Variants in DCC observed in about 807,000 individuals in gnomAD.
DCC encodes netrin receptor DCC.
In DCC, 58 loss-of-function variants were observed where a neutral mutation model predicts 172.5. The ratio of observed to expected loss-of-function variants is 0.34; its 90% CI spans 0.27 to 0.42. The LOEUF (loss-of-function observed/expected upper bound fraction) is 0.42, where lower values mean the gene tolerates loss of function less well. Ranked by LOEUF, DCC falls within the 10% of genes least tolerant of loss-of-function variation. The pLI is 1.00. For missense variants in DCC, 1,740 were observed against 1,791.0 expected (o/e 0.97, Z 0.51); for synonymous variants, 709 against 644.5 (o/e 1.10, Z -1.52).
At chr18:53,117,526 C>T (rs1276543317) in intron 7 of DCC, among the ~76,000 whole-genome samples, 2 of 151,790 alleles carry the variant, frequency 1.3e-5, no homozygotes, top group South Asian at 4.1e-4. Context: ...ATTTGTATTG[C>T]TGTTTCAAAA....
At chr18:52,374,775 A>G (rs552364788) in intron 1 of DCC, among the ~76,000 whole-genome samples, 25 of 152,350 alleles carry the variant, frequency 1.6e-4, no homozygotes, top group African/African-American at 5.3e-4. Flanking sequence ...GTCAGAGCCA[A>G]TCTTTTGTTC....
chr18:53,484,226 A>T (rs2045874885), intron 25 of DCC, among the ~76,000 whole-genome samples: 1 of 151,784 alleles, frequency 6.6e-6, no homozygotes, highest in African/African-American at 2.4e-5. Flanking sequence ...TGACTTGCAG[A>T]AGTATTTGTT....
chr18:53,130,735 A>T (rs1290472845), intron 7 of DCC, among the ~76,000 whole-genome samples: 1 of 151,942 alleles, frequency 6.6e-6, no homozygotes, highest in Non-Finnish European at 1.5e-5. Flanking sequence ...ACCATGTCTT[A>T]CCTTAGTGTC....
chr18:53,244,252 A>G (rs527863191), intron 12 of DCC, among the ~76,000 whole-genome samples: 1 of 152,152 alleles, frequency 6.6e-6, no homozygotes, highest in Non-Finnish European at 1.5e-5. Context: ...GATCACCTAC[A>G]GAAGGGATGA....
intron 2 of DCC, among the ~76,000 whole-genome samples, chr18:52,849,474 C>T (rs944048998): frequency 6.6e-6 from 1 of 152,252 alleles, no homozygotes; most frequent in Non-Finnish European, 1.5e-5. Context: ...GGGAATAGTG[C>T]CCCTAGCTGA....
intron 1 of DCC, among the ~76,000 whole-genome samples, chr18:52,551,016 G>A (rs1055501585): frequency 6.6e-6 from 1 of 151,972 alleles, no homozygotes; most frequent in Non-Finnish European, 1.5e-5. Context: ...AGGGACAAAT[G>A]TATTTGTATC....
chr18:53,370,928 AC>A (rs2058055171), intron 15 of DCC, among the ~76,000 whole-genome samples: 3 of 151,866 alleles, frequency 2.0e-5, no homozygotes. Context: ...AAAAAATTTT[AC>A]CGAAACAAGT....
At chr18:52,995,496 T>C (rs1599010777) in intron 5 of DCC, among the ~76,000 whole-genome samples, 2 of 146,050 alleles carry the variant, frequency 1.4e-5, no homozygotes, top group African/African-American at 5.0e-5. Context: ...TTTTTTTTTT[T>C]CTAGGCCTCA....
At chr18:53,520,416 G>A (rs940868550) in intron 27 of DCC, among the ~76,000 whole-genome samples, 1 of 152,066 alleles carries the variant, frequency 6.6e-6, no homozygotes, top group Admixed American at 6.6e-5. Context: ...GGTTTAAATG[G>A]TGTAGAAGAT....
At chr18:52,472,070 T>G (rs1988963037) in intron 1 of DCC, among the ~76,000 whole-genome samples, 1 of 152,106 alleles carries the variant, frequency 6.6e-6, no homozygotes, top group Non-Finnish European at 1.5e-5. Context: ...ATTAACTAGA[T>G]TTTCATCCAC....
intron 8 of DCC, among the ~76,000 whole-genome samples, chr18:53,177,946 GA>G (rs2055134279): frequency 6.6e-6 from 1 of 152,102 alleles, no homozygotes; most frequent in Non-Finnish European, 1.5e-5. Flanking sequence ...TTCCCTGGCA[GA>G]AAAAGATATT....
chr18:52,858,375 A>T (rs2039085498), intron 2 of DCC, among the ~76,000 whole-genome samples: 1 of 152,216 alleles, frequency 6.6e-6, no homozygotes, highest in Admixed American at 6.5e-5. Flanking sequence ...AGGAGAAAGC[A>T]TTTCAACAAT....
intron 7 of DCC, among the ~76,000 whole-genome samples, chr18:53,136,546 A>G (rs926957633): frequency 2.2e-4 from 34 of 152,330 alleles, no homozygotes; most frequent in African/African-American, 7.2e-4. Flanking sequence ...TACTTATATA[A>G]AATTCTAGGA....
At chr18:53,344,440 C>CTTTTTTTTTTTTTTTT (rs71175582) in intron 15 of DCC, among the ~76,000 whole-genome samples, 28 of 97,056 alleles carry the variant, frequency 2.9e-4, no homozygotes, top group Middle Eastern at 7.6e-3. Context: ...TTTCGTTTTT[C>CTTTTTTTTTTTTTTTT]TTTTTTTTTT....
intron 26 of DCC, among the ~76,000 whole-genome samples, chr18:53,495,338 C>T (rs182988124): frequency 6.8e-6 from 1 of 147,772 alleles, no homozygotes; most frequent in East Asian, 2.0e-4. Flanking sequence ...TTGCAGTGAG[C>T]CAAGATCGCA....
chr18:53,045,769 T>A (rs890633343), intron 5 of DCC, among the ~76,000 whole-genome samples: 2 of 151,902 alleles, frequency 1.3e-5, no homozygotes, highest in East Asian at 1.9e-4. Context: ...TAAAGTTCGA[T>A]GAGAGTTCTT....
At chr18:52,580,362 T>C (rs1308317800) in intron 1 of DCC, among the ~76,000 whole-genome samples, 2 of 152,088 alleles carry the variant, frequency 1.3e-5, no homozygotes. Context: ...ATGAGACATT[T>C]TTAGAGACTT....
chr18:52,920,875 A>G (rs2040114190), intron 3 of DCC, among the ~76,000 whole-genome samples: 1 of 152,196 alleles, frequency 6.6e-6, no homozygotes, highest in South Asian at 2.1e-4. Flanking sequence ...ATGAAAATGC[A>G]TGAAGGAATC....
chr18:53,361,308 G>C (rs1157783560), intron 15 of DCC, among the ~76,000 whole-genome samples: 3 of 152,104 alleles, frequency 2.0e-5, no homozygotes, highest in Non-Finnish European at 4.4e-5. Context: ...TGTTATGGCA[G>C]CTCTAGAAAA....
Sources: gnomAD v4.1 joint callset for allele counts (sites outside exome capture counted in the v4.1 genomes callset) on GRCh38, gnomAD v4.1.1 for gene constraint, MANE v1.5 for transcripts, NCBI Gene and HGNC (gene_info 2026-07-23, HGNC 2026-07-21) for gene names.